The following RANBP17 variants were observed in gnomAD, a reference collection of about 807,000 sequenced individuals.
RANBP17 encodes the protein ran-binding protein 17.
In RANBP17, 158 loss-of-function variants were observed where a neutral mutation model predicts 141.2. The observed-to-expected ratio is 1.12, with a 90% CI of 0.98 to 1.28. The LOEUF (loss-of-function observed/expected upper bound fraction) is 1.28. Among genes scored for constraint, RANBP17 ranks in the 50% most tolerant of loss-of-function variants. The pLI, the probability that RANBP17 is intolerant of heterozygous loss-of-function variation, is 0.00. For synonymous variants in RANBP17, 430 were observed against 450.0 expected (o/e 0.96, Z 0.56); for missense variants, 1,438 against 1,290.7 (o/e 1.11, Z -1.75).
intron 14 of RANBP17, among the ~76,000 whole-genome samples, chr5:171,058,978 T>C: frequency 6.6e-6 from 1 of 152,052 alleles, no homozygotes; most frequent in Non-Finnish European, 1.5e-5. Flanking sequence ...AAGTGTCTGT[T>C]CATGTCCTTC....
chr5:171,291,617 T>C (rs1040583312), intron 25 of RANBP17, among the ~76,000 whole-genome samples: 3 of 152,216 alleles, frequency 2.0e-5, no homozygotes, highest in African/African-American at 4.8e-5. Context: ...TCATATGACC[T>C]GGGAAGTGAT....
chr5:171,238,245 C>G (rs11952471), intron 22 of RANBP17, among the ~76,000 whole-genome samples: 200 of 152,252 alleles, frequency 1.3e-3, no homozygotes, highest in African/African-American at 4.7e-3. Flanking sequence ...AAGGTCATCA[C>G]CAAGGTCTGA....
At chr5:171,137,051 TA>T (rs1415937907) in intron 14 of RANBP17, among the ~76,000 whole-genome samples, 1 of 152,214 alleles carries the variant, frequency 6.6e-6, no homozygotes, top group Non-Finnish European at 1.5e-5. Context: ...AAAATATTTA[TA>T]AAGTTCTATT....
At chr5:170,917,244 T>A (rs1386328509) in intron 9 of RANBP17, among the ~76,000 whole-genome samples, 1 of 152,196 alleles carries the variant, frequency 6.6e-6, no homozygotes, top group African/African-American at 2.4e-5. Flanking sequence ...ATAATATAAA[T>A]CTGAATGTTA....
intron 7 of RANBP17, among the ~76,000 whole-genome samples, chr5:170,912,985 C>G (rs1456196237): frequency 1.3e-5 from 2 of 151,882 alleles, no homozygotes; most frequent in African/African-American, 4.8e-5. Flanking sequence ...TAAGTCTCCT[C>G]CTACAGAGGA....
At chr5:171,103,992 C>A (rs568303233) in intron 14 of RANBP17, among the ~76,000 whole-genome samples, 1 of 152,322 alleles carries the variant, frequency 6.6e-6, no homozygotes, top group East Asian at 1.9e-4. Flanking sequence ...ATGCAGAAAT[C>A]ACCTGCATTC....
At chr5:170,903,154 G>A (rs1770787524) in intron 5 of RANBP17, among the ~76,000 whole-genome samples, 1 of 152,222 alleles carries the variant, frequency 6.6e-6, no homozygotes, top group Non-Finnish European at 1.5e-5. Flanking sequence ...TTATATATAA[G>A]CCCCTGACTG....
chr5:170,965,809 G>A (rs1474726191), intron 13 of RANBP17, among the ~76,000 whole-genome samples: 1 of 152,126 alleles, frequency 6.6e-6, no homozygotes, highest in Non-Finnish European at 1.5e-5. Context: ...TAGCCTTGTA[G>A]TATAGTTTGA....
intron 14 of RANBP17, among the ~76,000 whole-genome samples, chr5:170,973,815 T>A (rs1301951884): frequency 6.6e-6 from 1 of 152,180 alleles, no homozygotes; most frequent in Admixed American, 6.5e-5. Flanking sequence ...GTTTTCATAG[T>A]TGGTGCCGTC....
chr5:170,940,410 C>T (rs10067243), intron 12 of RANBP17, among the ~76,000 whole-genome samples: 1 of 152,152 alleles, frequency 6.6e-6, no homozygotes, highest in Admixed American at 6.5e-5. Context: ...AGAGGAAATG[C>T]TCATTCAAGC....
chr5:171,169,936 G>A (rs1212758992), intron 14 of RANBP17, among the ~76,000 whole-genome samples, 194 bp from the exon 15 acceptor site: 1 of 151,896 alleles, frequency 6.6e-6, no homozygotes, highest in Non-Finnish European at 1.5e-5. Context: ...CAAAATAGGA[G>A]CGATCTGGAG....
At position 171,003,627 on chromosome 5, in the gene RANBP17, A is replaced by G. The variant is rs191738889; in HGVS notation, c.1710+35250A>G. Among the ~76,000 whole-genome samples the G allele has an allele frequency of 9.7e-4, 148 of 152,274 alleles. 2 individuals are homozygous for G. Among genetic ancestry groups the G allele is most frequent in the Non-Finnish European group, 1.7e-3 (114 of 68,028 alleles). The stretch of plus-strand genomic sequence containing the variant: ...GAAGGAGCAGGAGGGTGTCCTGTTG[A>G]GAAGATTGAAAGGAGGGGCTACAAA... On this transcript the variant is annotated intron_variant, in intron 14 of 27. Transcript: ENST00000523189.
intron 14 of RANBP17, among the ~76,000 whole-genome samples, chr5:171,079,728 T>C (rs1318023396): frequency 6.6e-6 from 1 of 152,208 alleles, no homozygotes; most frequent in East Asian, 1.9e-4. Flanking sequence ...GTATACATTA[T>C]TTTTTAGACA....
At chr5:171,277,762 A>G (rs367566075) in intron 25 of RANBP17, among the ~76,000 whole-genome samples, 1 of 147,898 alleles carries the variant, frequency 6.8e-6, no homozygotes, top group East Asian at 2.0e-4. Flanking sequence ...AAACTCACCC[A>G]GTATCATACA....
intron 24 of RANBP17, among the ~76,000 whole-genome samples, chr5:171,248,872 A>G (rs2128001764): frequency 6.6e-6 from 1 of 152,242 alleles, no homozygotes; most frequent in East Asian, 1.9e-4. Flanking sequence ...CACCCATGCC[A>G]CGTGGGCCAC....
chr5:170,918,728 G>T lies in RANBP17; in HGVS notation c.970G>T (p.Gly324Cys). 6.2e-7 allele frequency: 1 copy of T among 1,604,204 alleles called. No individual in the cohort carries two copies. Among genetic ancestry groups the T allele is most frequent in the African/African-American group, 1.3e-5 (1 of 74,400 alleles). The part of the protein sequence containing the change: ...LENPQGLSDP[G>C]NYHEFCRFLA... Reference sequence around the variant, plus strand: ...CATAATTTAGGGTTTGTCTGATCCAGGTAATTATCATGAATTTTGTCGATT... The same window carrying T: ...CATAATTTAGGGTTTGTCTGATCCATGTAATTATCATGAATTTTGTCGATT... Residue 324 changes from glycine (G) to cysteine (C), a missense_variant, in exon 10 of 28, where the codon GGT (glycine) becomes TGT (cysteine). Transcript: ENST00000523189.
chr5:170,939,301 GC>G (rs1434393646), intron 12 of RANBP17, among the ~76,000 whole-genome samples: 6 of 152,004 alleles, frequency 3.9e-5, no homozygotes, highest in Non-Finnish European at 1.5e-5. Flanking sequence ...GGAAGAAGGG[GC>G]ATGGTCCCAG....
At chr5:170,927,449 A>C (rs1773016126) in intron 12 of RANBP17, among the ~76,000 whole-genome samples, 1 of 151,998 alleles carries the variant, frequency 6.6e-6, no homozygotes, top group African/African-American at 2.4e-5. Flanking sequence ...GTATAATTTA[A>C]CTTTGCATTT....
intron 5 of RANBP17, chr5:170,897,095 A>G: frequency 1.2e-6 from 1 of 827,298 alleles, no homozygotes; most frequent in Non-Finnish European, 2.1e-6. Flanking sequence ...CTTGATTGAC[A>G]TGGTAGAAGG....
Sources: allele counts gnomAD v4.1 joint callset (sites outside exome capture counted in the v4.1 genomes callset), GRCh38; gene constraint gnomAD v4.1.1; transcripts MANE v1.5; gene names NCBI Gene and HGNC (gene_info 2026-07-23, HGNC 2026-07-21).